The following MTERF4 variants were observed in gnomAD, a reference collection of about 807,000 sequenced individuals.
MTERF4 encodes mitochondrial transcription termination factor 4.
Under a neutral mutation model 22.5 loss-of-function variants are expected in MTERF4, and 17 were observed. The ratio of observed to expected loss-of-function variants is 0.75; its 90% CI spans 0.52 to 1.13. MTERF4 has a LOEUF of 1.13. Ranked by LOEUF, MTERF4 falls within the 50% of genes most tolerant of loss-of-function variation. The pLI is 0.00. For missense variants in MTERF4, 420 were observed against 466.8 expected, an observed-to-expected ratio of 0.90 and a Z score of 0.92; for synonymous variants, 165 against 175.3, an observed-to-expected ratio of 0.94 and a Z score of 0.47.
the MTERF4 span, chr2:241,048,436 G>T: frequency 6.2e-7 from 1 of 1,601,766 alleles, no homozygotes. Flanking sequence ...TGGACTGCAG[G>T]GAGAGTGCGT....
At chr2:241,089,476 C>G (rs2063767384), downstream of MTERF4, 14 of 1,519,646 alleles carry the variant, frequency 9.2e-6, no homozygotes, top group Non-Finnish European at 1.2e-5. Context: ...TCCACACCCC[C>G]TTGGGGGAAA....
chr2:241,051,113 G>A, the MTERF4 span, among the ~76,000 whole-genome samples: 2 of 152,190 alleles, frequency 1.3e-5, no homozygotes, highest in African/African-American at 2.4e-5. This position sits in a 1 kb window ranked among gnomAD's most constrained non-coding sequence, Gnocchi z 4.7. Context: ...GGCCCCTCCC[G>A]CCACTCAGAA....
In MTERF4 at chr2:241,096,980, G is replaced by T. The variant is rs1382356289; in HGVS notation, c.705+263C>A. On this transcript the variant is annotated intron_variant, in intron 3 of 3. Coordinates refer to ENST00000391980, the MANE Select transcript of MTERF4 (RefSeq NM_182501.4). The surrounding 1 kb of genome is among the most constrained non-coding windows in gnomAD (Gnocchi z 5.1). ...TAATGGCAGAAAAGTTGAAGAATAGGTTTGATCTGTAGTAAAGAAATTAAA... is the reference window on the plus strand; with the variant it reads ...TAATGGCAGAAAAGTTGAAGAATAGTTTTGATCTGTAGTAAAGAAATTAAA... 6 of 590,446 alleles carry T rather than the reference G, an allele frequency of 1.0e-5. No individual in the cohort carries two copies. Among genetic ancestry groups the T allele is most frequent in the South Asian group, 8.7e-5 (4 of 46,182 alleles). 36.6% of individuals were successfully genotyped at this position (590,446 alleles called of 1,614,324 possible). A position where few individuals can be genotyped will look rare whatever the true frequency, so the allele number is the denominator to read the frequency against.
the MTERF4 span, among the ~76,000 whole-genome samples, chr2:241,057,336 G>A: frequency 7.4e-5 from 11 of 149,212 alleles, no homozygotes; most frequent in South Asian, 1.3e-3. Context: ...CCGAGATTGC[G>A]CCATTGCACT....
intron 4 of MTERF4, among the ~76,000 whole-genome samples, chr2:241,076,407 A>G (rs568629330): frequency 6.6e-6 from 1 of 152,174 alleles, no homozygotes; most frequent in Non-Finnish European, 1.5e-5. Context: ...ATATACTTTA[A>G]AAGTTACTTT....
the MTERF4 span, among the ~76,000 whole-genome samples, chr2:241,045,799 A>G: frequency 6.6e-6 from 1 of 152,144 alleles, no homozygotes; most frequent in South Asian, 2.1e-4. Context: ...AAAGAAAAAG[A>G]TAAATTAGAC....
intron 1 of MTERF4, among the ~76,000 whole-genome samples, chr2:241,101,913 C>A (rs1337327912): frequency 6.6e-6 from 1 of 152,130 alleles, no homozygotes; most frequent in Non-Finnish European, 1.5e-5. Flanking sequence ...ATTAGCCAGG[C>A]ATGGTGGCGG....
At chr2:241,055,567 C>T in the MTERF4 span, among the ~76,000 whole-genome samples, 1,225 of 152,306 alleles carry the variant, frequency 8.0e-3, 18 homozygotes, top group African/African-American at 0.027. Context: ...CTATGAAATC[C>T]TATCTTTTCA....
chr2:241,072,042 C>T (rs185219816), downstream of MTERF4: 3 of 725,792 alleles, frequency 4.1e-6, no homozygotes, highest in South Asian at 4.5e-5. Context: ...GGCTCGTGGG[C>T]CGCCGGCAGC....
chr2:241,100,858 G>A (rs1325950808), intron 1 of MTERF4, among the ~76,000 whole-genome samples: 1 of 152,160 alleles, frequency 6.6e-6, no homozygotes, highest in Non-Finnish European at 1.5e-5. Context: ...GGGGCGGTCT[G>A]GTGCCCCTAA....
At chr2:241,089,989 G>A, downstream of MTERF4, 3 of 1,548,902 alleles carry the variant, frequency 1.9e-6, no homozygotes, top group Non-Finnish European at 2.6e-6. Flanking sequence ...CCTGGGCAGG[G>A]CGCTTAGCGT....
At chr2:241,061,741 C>A in the MTERF4 span, among the ~76,000 whole-genome samples, 7 of 151,524 alleles carry the variant, frequency 4.6e-5, no homozygotes, top group Non-Finnish European at 1.0e-4. Flanking sequence ...AAAAATTAGT[C>A]GGGCATGGTG....
chr2:241,065,689 C>T, the MTERF4 span: 17 of 1,084,962 alleles, frequency 1.6e-5, no homozygotes, highest in Non-Finnish European at 5.3e-6. Context: ...TCATGCCGTC[C>T]ACCCTCCTAG....
the MTERF4 span, chr2:241,052,072 T>C: frequency 6.2e-6 from 10 of 1,613,806 alleles, 1 homozygote; most frequent in Non-Finnish European, 8.5e-6. Flanking sequence ...CTGGCCCCTG[T>C]CACAACGGCG....
At chr2:241,067,040 G>A in the MTERF4 span, among the ~76,000 whole-genome samples, 1 of 152,236 alleles carries the variant, frequency 6.6e-6, no homozygotes, top group Non-Finnish European at 1.5e-5. Context: ...GCTCGCCTGG[G>A]CTGTTTTAGG....
At chr2:241,044,638 G>C in the MTERF4 span, among the ~76,000 whole-genome samples, 1 of 152,184 alleles carries the variant, frequency 6.6e-6, no homozygotes, top group Admixed American at 6.5e-5. Flanking sequence ...AGTGCTCCAG[G>C]AGAAGCCCTC....
chr2:241,051,909 T>G, the MTERF4 span: 6 of 1,501,264 alleles, frequency 4.0e-6, no homozygotes, highest in Non-Finnish European at 5.4e-6. This position sits in a 1 kb window ranked among gnomAD's most constrained non-coding sequence, Gnocchi z 4.7. Flanking sequence ...GGGCCAGCCC[T>G]GAGCTGGGGC....
At chr2:241,051,004 C>T in the MTERF4 span, among the ~76,000 whole-genome samples, 4 of 152,304 alleles carry the variant, frequency 2.6e-5, no homozygotes, top group South Asian at 2.1e-4. The surrounding 1 kb of genome is among the most constrained non-coding windows in gnomAD (Gnocchi z 4.7). Context: ...GGAGGGAGTA[C>T]GGAAGGGACA....
chr2:241,087,420 G>A, downstream of MTERF4: 2 of 1,603,994 alleles, frequency 1.2e-6, no homozygotes, highest in South Asian at 2.2e-5. Flanking sequence ...AGTTCACCAA[G>A]ACATCTGCTT....
Sources: gnomAD v4.1 joint callset for allele counts (sites outside exome capture counted in the v4.1 genomes callset) on GRCh38, gnomAD v4.1.1 for gene constraint, Gnocchi (gnomAD v3.1) non-coding constraint, MANE v1.5 for transcripts, NCBI Gene and HGNC (gene_info 2026-07-23, HGNC 2026-07-21) for gene names.